The following CDH8 variants were observed in gnomAD, a reference collection of about 807,000 sequenced individuals.
CDH8 encodes cadherin 8.
CDH8 carries 17 observed loss-of-function variants against 68.1 expected under a neutral mutation model. That is an observed-to-expected ratio of 0.25 (90% CI 0.17 to 0.37). The LOEUF (loss-of-function observed/expected upper bound fraction) is 0.37. Ranked by LOEUF, CDH8 falls within the 10% of genes least tolerant of loss-of-function variation. CDH8 has a pLI of 1.00. For missense variants in CDH8, 763 were observed against 999.3 expected (o/e 0.76, Z 3.19); for synonymous variants, 372 against 365.1 (o/e 1.02, Z -0.21).
At chr16:61,985,717 T>G (rs1262118808) in intron 2 of CDH8, among the ~76,000 whole-genome samples, 1 of 152,080 alleles carries the variant, frequency 6.6e-6, no homozygotes, top group Non-Finnish European at 1.5e-5. Flanking sequence ...GGTCTCGAAC[T>G]CCTGACCTAA....
chr16:61,742,329 T>C (rs189663334), intron 8 of CDH8, among the ~76,000 whole-genome samples: 4 of 152,270 alleles, frequency 2.6e-5, no homozygotes, highest in African/African-American at 7.2e-5. Flanking sequence ...CCGATATTTA[T>C]GCTTTTATTT....
At chr16:61,836,193 G>C (rs1962564817) in intron 4 of CDH8, among the ~76,000 whole-genome samples, 1 of 151,924 alleles carries the variant, frequency 6.6e-6, no homozygotes, top group Non-Finnish European at 1.5e-5. Flanking sequence ...ATCAGGGCCT[G>C]TCATATTGAT....
At chr16:61,807,580 T>C (rs1961825037) in intron 7 of CDH8, among the ~76,000 whole-genome samples, 1 of 152,184 alleles carries the variant, frequency 6.6e-6, no homozygotes, top group Non-Finnish European at 1.5e-5. Flanking sequence ...ATTATAGACA[T>C]GAAGAACTGC....
Position 61,817,651 on chromosome 16 carries a change from T to G in CDH8, c.1105A>C (p.Arg369=), listed in dbSNP as rs781097185. ...NVHIDPRFSG[R]GPFKDTATVK... is the part of the protein sequence containing the mutation. Reference sequence around the variant, plus strand: ...GTCGCCGTGTCTTTAAAGGGCCCCCTGCCACTGAAGCGTGGGTCAATATGG... The same window carrying G: ...GTCGCCGTGTCTTTAAAGGGCCCCCGGCCACTGAAGCGTGGGTCAATATGG... The change falls in exon 7 of 12, where the codon AGG becomes CGG. Residue 369 remains arginine, a synonymous_variant. Transcript: ENST00000577390. 12 of 1,613,790 alleles carry G rather than the reference T, an allele frequency of 7.4e-6. No homozygotes were observed. Among genetic ancestry groups the G allele is most frequent in the Middle Eastern group, 3.3e-4 (2 of 6,062 alleles).
chr16:61,821,163 T>C (rs1187735079), intron 5 of CDH8, 50 bp from the exon 6 acceptor site: 1 of 1,436,002 alleles, frequency 7.0e-7, no homozygotes, highest in Admixed American at 1.9e-5. Context: ...CAACCATTCA[T>C]TCATTCATAT....
intron 3 of CDH8, among the ~76,000 whole-genome samples, chr16:61,869,254 T>G (rs1023987859): frequency 2.0e-5 from 3 of 152,096 alleles, no homozygotes; most frequent in African/African-American, 7.2e-5. Flanking sequence ...TTCTTGGCCC[T>G]TAGGGAGCTA....
At chr16:61,990,647 A>G (rs970422777) in intron 2 of CDH8, among the ~76,000 whole-genome samples, 7 of 152,130 alleles carry the variant, frequency 4.6e-5, no homozygotes, top group African/African-American at 7.2e-5. Flanking sequence ...CCCTGTGTCT[A>G]CAAAAATTAT....
intron 4 of CDH8, among the ~76,000 whole-genome samples, chr16:61,840,797 A>T (rs1453406248): frequency 6.6e-6 from 1 of 152,132 alleles, no homozygotes; most frequent in East Asian, 1.9e-4. Context: ...GAGCATCAGG[A>T]TAAATAGCTA....
Position 61,781,187 on chromosome 16 carries a change from G to A in CDH8, c.1414+8159C>T, listed in dbSNP as rs1199967785. On this transcript the variant is annotated intron_variant, in intron 8 of 11. Coordinates refer to ENST00000577390, the MANE Select transcript of CDH8 (RefSeq NM_001796.5). ...CTTGTGTGGGATTTCTCAAAAATGA[G>A]TCTTTTGTTTCTGGATTGTCCTGAA... Among the ~76,000 whole-genome samples, 4 of 152,292 alleles carry A rather than the reference G, an allele frequency of 2.6e-5. No homozygotes were observed. The East Asian group carries it at 7.7e-4, about 29-fold the overall frequency.
intron 8 of CDH8, among the ~76,000 whole-genome samples, chr16:61,781,246 C>T (rs1961044641): frequency 1.3e-5 from 2 of 152,168 alleles, no homozygotes; most frequent in Admixed American, 6.5e-5. Context: ...GTATTCATTG[C>T]TTTGAGTACA....
chr16:61,784,684 G>T (rs1370028830), intron 8 of CDH8, among the ~76,000 whole-genome samples: 2 of 144,200 alleles, frequency 1.4e-5, no homozygotes, highest in Non-Finnish European at 3.1e-5. Flanking sequence ...CACATAGTTG[G>T]AAGTAAAGCT....
At position 61,726,256 on chromosome 16, in the gene CDH8, T is replaced by C. The variant is rs186695736; in HGVS notation, c.1536+838A>G. ...AGGAAGTTGAAAAATGATAAATTTC[T>C]TAAACATACAGTACTTTGGTACCTT... On this transcript the variant is annotated intron_variant, in intron 9 of 11. Transcript: ENST00000577390. The C allele has an allele frequency of 1.8e-4, 27 of 151,186 alleles. No homozygotes were observed. The East Asian group carries it at 5.3e-3, about 29-fold the overall frequency. The allele number at this position is 151,186 out of a possible 1,614,324, so 9.4% of individuals were successfully genotyped here. A position where few individuals can be genotyped will look rare whatever the true frequency, so the allele number is the denominator to read the frequency against.
intron 3 of CDH8, among the ~76,000 whole-genome samples, chr16:61,871,897 T>C (rs1300401794): frequency 7.5e-6 from 1 of 132,474 alleles, no homozygotes; most frequent in Non-Finnish European, 1.6e-5. Flanking sequence ...ACACTCACCG[T>C]ACATATTTTG....
chr16:62,020,575 G>C (rs2150612434), intron 2 of CDH8, among the ~76,000 whole-genome samples: 1 of 152,180 alleles, frequency 6.6e-6, no homozygotes, highest in East Asian at 1.9e-4. Context: ...ACCTGACAAT[G>C]AATGAACTAG....
chr16:61,776,205 C>A (rs1449364089), intron 8 of CDH8, among the ~76,000 whole-genome samples: 1 of 152,040 alleles, frequency 6.6e-6, no homozygotes, highest in Non-Finnish European at 1.5e-5. Context: ...CGCAATTTAC[C>A]TGTGTTATCT....
intron 3 of CDH8, among the ~76,000 whole-genome samples, chr16:61,878,636 A>G (rs1038661319): frequency 2.0e-5 from 3 of 152,186 alleles, no homozygotes; most frequent in South Asian, 2.1e-4. Flanking sequence ...TAATAATAAT[A>G]TAGATTTACT....
intron 3 of CDH8, among the ~76,000 whole-genome samples, chr16:61,873,731 A>C (rs1963412058): frequency 6.6e-6 from 1 of 152,152 alleles, no homozygotes; most frequent in Non-Finnish European, 1.5e-5. Context: ...GCTCCCAGCC[A>C]GTCATGCCAT....
chr16:61,732,482 A>G (rs758357024), intron 8 of CDH8, among the ~76,000 whole-genome samples: 2 of 151,880 alleles, frequency 1.3e-5, no homozygotes, highest in African/African-American at 2.4e-5. Flanking sequence ...AAAGTGTTCA[A>G]TGAAACATAA....
chr16:61,740,092 G>T (rs2142921673), intron 8 of CDH8, among the ~76,000 whole-genome samples: 1 of 151,538 alleles, frequency 6.6e-6, no homozygotes, highest in East Asian at 2.0e-4. Flanking sequence ...AATTTTAGTA[G>T]AGATGGGGTT....
Sources: gnomAD v4.1 joint callset for allele counts (sites outside exome capture counted in the v4.1 genomes callset) on GRCh38, gnomAD v4.1.1 for gene constraint, MANE v1.5 for transcripts, NCBI Gene and HGNC (gene_info 2026-07-23, HGNC 2026-07-21) for gene names.